RNF182: variants seen among roughly 807,000 people sequenced by gnomAD.
The protein encoded by RNF182 is E3 ubiquitin-protein ligase RNF182.
A neutral mutation model predicts 14.4 loss-of-function variants in RNF182; 15 were observed. That is an observed-to-expected ratio of 1.04 (90% CI 0.70 to 1.60). The LOEUF (loss-of-function observed/expected upper bound fraction) is 1.60. Among genes scored for constraint, RNF182 ranks in the 40% most tolerant of loss-of-function variants. RNF182 has a pLI of 0.00. For synonymous variants in RNF182, 128 were observed against 122.9 expected, an observed-to-expected ratio of 1.04 and a Z score of -0.27; for missense variants, 268 against 294.8, an observed-to-expected ratio of 0.91 and a Z score of 0.67.
intron 1 of RNF182, among the ~76,000 whole-genome samples, chr6:13,926,281 A>C (rs1375304136): frequency 2.0e-5 from 3 of 152,204 alleles, no homozygotes; most frequent in African/African-American, 7.2e-5. Context: ...GATCATTTTG[A>C]ATTGCAGTTA....
chr6:13,959,598 T>TGGAAGATTG (rs2113627179), intron 1 of RNF182, among the ~76,000 whole-genome samples: 1 of 152,322 alleles, frequency 6.6e-6, no homozygotes, highest in East Asian at 1.9e-4. Context: ...GGAATGAAAT[T>TGGAAGATTG]GGAAGATTGG....
At chr6:13,934,452 T>C (rs1759054814) in intron 1 of RNF182, among the ~76,000 whole-genome samples, 1 of 152,372 alleles carries the variant, frequency 6.6e-6, no homozygotes, top group South Asian at 2.1e-4. Context: ...TTGAAAGGCA[T>C]TTTAATGTAA....
chr6:13,962,114 G>A (rs1036068396), intron 1 of RNF182, among the ~76,000 whole-genome samples: 19 of 152,102 alleles, frequency 1.2e-4, no homozygotes, highest in African/African-American at 4.3e-4. Flanking sequence ...TGATAATTGG[G>A]ACTGAGGCCA....
At position 13,977,884 on chromosome 6, in the gene RNF182, T is replaced by C. The variant is rs1197759171; in HGVS notation, c.*21T>C. ...CTTAACTGATATGCAAAATAAGAAA[T>C]TGGACACACATTGCCCTGTTTGAGT... On this transcript the variant is annotated 3_prime_UTR_variant, in exon 3 of 3. Coordinates refer to ENST00000488300, the MANE Select transcript of RNF182 (RefSeq NM_152737.4). The C allele has an allele frequency of 1.3e-6, 2 of 1,591,992 alleles. No homozygotes were observed. Among genetic ancestry groups the C allele is most frequent in the East Asian group, 2.2e-5 (1 of 44,630 alleles).
chr6:13,976,836 C>T (rs898598346), intron 2 of RNF182, 73 bp from the exon 3 acceptor site: 2 of 359,710 alleles, frequency 5.6e-6, no homozygotes, highest in African/African-American at 4.1e-5. Flanking sequence ...TCAGAAAATT[C>T]CATAAAGCAC....
At position 13,977,605 on chromosome 6, in the gene RNF182, C is replaced by G. The variant is rs1760370402; in HGVS notation, c.486C>G (p.Thr162=). The change falls in exon 3 of 3, where the codon ACC becomes ACG. Residue 162 remains threonine (T), a synonymous_variant. Coordinates refer to ENST00000488300, the MANE Select transcript of RNF182 (RefSeq NM_152737.4). ...GGCCTGCGAGTTTCGACTCTGTCACCACTGTGTCACACAACTGGACTGTGT... is the reference window on the plus strand; with the variant it reads ...GGCCTGCGAGTTTCGACTCTGTCACGACTGTGTCACACAACTGGACTGTGT... ...FYRPASFDSV[T]TVSHNWTVWN... is the part of the protein sequence containing the mutation. 1 of 1,614,070 alleles carries G rather than the reference C, an allele frequency of 6.2e-7. No homozygotes were observed. Among genetic ancestry groups the G allele is most frequent in the Admixed American group, 1.7e-5 (1 of 60,004 alleles).
At chr6:13,938,310 C>A (rs940756227) in intron 1 of RNF182, among the ~76,000 whole-genome samples, 8 of 151,264 alleles carry the variant, frequency 5.3e-5, no homozygotes, top group African/African-American at 1.9e-4. Flanking sequence ...AGCCACTGCG[C>A]CTGGCCTTTT....
chr6:13,962,318 T>C (rs1443928733), intron 1 of RNF182, among the ~76,000 whole-genome samples: 1 of 152,200 alleles, frequency 6.6e-6, no homozygotes, highest in Non-Finnish European at 1.5e-5. Context: ...GAATGAGCAA[T>C]TGGGTGTCAG....
At chr6:13,950,164 C>T (rs1585037692) in intron 1 of RNF182, among the ~76,000 whole-genome samples, 1 of 152,162 alleles carries the variant, frequency 6.6e-6, no homozygotes, top group East Asian at 1.9e-4. Flanking sequence ...ACAATGTTAA[C>T]TCGTAGCAAC....
At chr6:13,955,147 C>T (rs1759695276) in intron 1 of RNF182, among the ~76,000 whole-genome samples, 1 of 152,180 alleles carries the variant, frequency 6.6e-6, no homozygotes, top group Non-Finnish European at 1.5e-5. Flanking sequence ...CCAATATGGT[C>T]TCTGTCATTG....
chr6:13,951,698 T>G (rs1759597718), intron 1 of RNF182, among the ~76,000 whole-genome samples: 1 of 152,220 alleles, frequency 6.6e-6, no homozygotes, highest in South Asian at 2.1e-4. Context: ...GTTTCTGGGT[T>G]ACCTTTCTCT....
chr6:13,975,067 G>A (rs541069521), intron 2 of RNF182, among the ~76,000 whole-genome samples: 1 of 152,312 alleles, frequency 6.6e-6, no homozygotes, highest in African/African-American at 2.4e-5. Flanking sequence ...TAAGAGCCTT[G>A]TGCTCAGCAG....
intron 1 of RNF182, among the ~76,000 whole-genome samples, chr6:13,966,224 CAA>C (rs1031264049): frequency 4.8e-4 from 73 of 151,942 alleles, no homozygotes; most frequent in Middle Eastern, 3.4e-3. Context: ...TATTTTCTGA[CAA>C]AGATACTCAA....
At chr6:13,946,408 A>G (rs919490172) in intron 1 of RNF182, among the ~76,000 whole-genome samples, 2 of 151,972 alleles carry the variant, frequency 1.3e-5, no homozygotes, top group East Asian at 3.9e-4. Context: ...CAGGTGATCC[A>G]CCCGCCTTGG....
rs1403483312 is a variant in RNF182, at chr6:13,978,475, G to A, written c.*612G>A. Reference sequence around the variant, plus strand: ...GTTTTGCCACATTACTAAGGAGAATGAAAAGCACTGAGGAATTTGCATCAC... The same window carrying A: ...GTTTTGCCACATTACTAAGGAGAATAAAAAGCACTGAGGAATTTGCATCAC... On this transcript the variant is annotated 3_prime_UTR_variant, in exon 3 of 3. Transcript: ENST00000488300. 6.0e-6 allele frequency: 1 copy of A among 166,850 alleles called. No individual in the cohort carries two copies. Among genetic ancestry groups the A allele is most frequent in the East Asian group, 1.9e-4 (1 of 5,192 alleles). 10.3% of individuals were successfully genotyped at this position (166,850 alleles called of 1,614,324 possible).
intron 1 of RNF182, among the ~76,000 whole-genome samples, chr6:13,958,113 G>C (rs1297781293): frequency 3.3e-5 from 5 of 151,882 alleles, no homozygotes; most frequent in African/African-American, 1.2e-4. Flanking sequence ...ATATTTTTAT[G>C]GACATTTTAG....
intron 1 of RNF182, among the ~76,000 whole-genome samples, chr6:13,957,912 T>A (rs898190089): frequency 1.3e-5 from 2 of 152,288 alleles, no homozygotes; most frequent in Middle Eastern, 3.4e-3. Context: ...AATAGATACT[T>A]TTGGTGAGCC....
chr6:13,963,472 A>G lies in RNF182; in HGVS notation c.-366-10738A>G, dbSNP rs966415493. Among the ~76,000 whole-genome samples the G allele has an allele frequency of 6.6e-5, 10 of 152,188 alleles. 1 individual carries two copies. The highest frequency in any genetic ancestry group is 2.4e-4 in the African/African-American group (10 of 41,448). ...ATGAGTCTGTGGCTCAGCATTTTCT[A>G]CTGGGCTCAGTGGGGCACATTCTTC... is the stretch of plus-strand genomic sequence containing the variant. On this transcript the variant is annotated intron_variant, in intron 1 of 2. Transcript: ENST00000488300.
chr6:13,960,646 G>GA (rs1561784304), intron 1 of RNF182, among the ~76,000 whole-genome samples: 1,544 of 148,098 alleles, frequency 0.01, 24 homozygotes, highest in East Asian at 0.057. Context: ...TTTGATGGAG[G>GA]GAGAGAGAGA....
Sources: allele counts gnomAD v4.1 joint callset (sites outside exome capture counted in the v4.1 genomes callset), GRCh38; gene constraint gnomAD v4.1.1; transcripts MANE v1.5; gene names NCBI Gene and HGNC (gene_info 2026-07-23, HGNC 2026-07-21).